Variants in OTUD7A observed in about 807,000 individuals in gnomAD.
The protein encoded by OTUD7A is OTU domain-containing protein 7A.
OTUD7A carries 12 observed loss-of-function variants against 65.7 expected under a neutral mutation model. The ratio of observed to expected loss-of-function variants is 0.18; its 90% CI spans 0.12 to 0.30. OTUD7A has a LOEUF of 0.30. OTUD7A is among the 10% of genes least tolerant of loss of function. The pLI, the probability that OTUD7A is intolerant of heterozygous loss-of-function variation, is 1.00. For synonymous variants in OTUD7A, 641 were observed against 586.3 expected, an observed-to-expected ratio of 1.09 and a Z score of -1.35; for missense variants, 1,148 against 1,304.8, an observed-to-expected ratio of 0.88 and a Z score of 1.85.
At chr15:31,597,821 G>T (rs1435931028) in intron 3 of OTUD7A, among the ~76,000 whole-genome samples, 1 of 152,104 alleles carries the variant, frequency 6.6e-6, no homozygotes, top group Non-Finnish European at 1.5e-5. Flanking sequence ...CTGAAAAGTA[G>T]AAGCAGTGGG....
At chr15:31,696,148 G>C (rs148924488) in intron 1 of OTUD7A, among the ~76,000 whole-genome samples, 3 of 147,286 alleles carry the variant, frequency 2.0e-5, no homozygotes, top group African/African-American at 7.3e-5. Context: ...AGGGTTGAGG[G>C]GGGCACAAGG....
chr15:31,567,393 GCTT>G (rs1444650569), intron 4 of OTUD7A, among the ~76,000 whole-genome samples: 1 of 152,204 alleles, frequency 6.6e-6, no homozygotes, highest in Non-Finnish European at 1.5e-5. Flanking sequence ...TGGCATGGCT[GCTT>G]CTAACAGTCT....
intron 1 of OTUD7A, among the ~76,000 whole-genome samples, chr15:31,814,350 C>G (rs946129019): frequency 5.9e-5 from 9 of 152,312 alleles, no homozygotes; most frequent in African/African-American, 2.2e-4. Flanking sequence ...GCCTAGGAGT[C>G]AGCCCAGCCG....
intron 1 of OTUD7A, among the ~76,000 whole-genome samples, chr15:31,804,912 A>C (rs1161320833): frequency 2.6e-5 from 4 of 152,244 alleles, no homozygotes; most frequent in Non-Finnish European, 5.9e-5. Flanking sequence ...CATGTGCAGA[A>C]GCAATTGCTA....
chr15:31,824,248 A>G (rs1044366288), intron 1 of OTUD7A, among the ~76,000 whole-genome samples: 3 of 151,818 alleles, frequency 2.0e-5, no homozygotes, highest in Non-Finnish European at 4.4e-5. Context: ...TTATCCAAGC[A>G]CTCCTCAGAG....
rs965753064 is a variant in OTUD7A, at chr15:31,476,828, T to C, written c.*6466A>G. The stretch of plus-strand genomic sequence containing the variant: ...CTTGTAACAGTATTTTGCCAACAAC[T>C]CTTAGAAGAAAACGCATTTGGCCAA... On this transcript the variant is annotated 3_prime_UTR_variant, in exon 13 of 13. Transcript: ENST00000307050. 6.6e-6 allele frequency: 1 copy of C among 152,210 alleles called. No individual in the cohort carries two copies. Among genetic ancestry groups the C allele is most frequent in the Non-Finnish European group, 1.5e-5 (1 of 68,036 alleles). The allele number at this position is 152,210 out of a possible 1,614,324, so 9.4% of individuals were successfully genotyped here.
chr15:31,714,627 A>G (rs1893535989), intron 1 of OTUD7A, among the ~76,000 whole-genome samples: 1 of 152,280 alleles, frequency 6.6e-6, no homozygotes, highest in Non-Finnish European at 1.5e-5. Flanking sequence ...GCCATAAAAC[A>G]GCCCTTATGC....
chr15:31,829,277 C>A (rs923931054), intron 1 of OTUD7A, among the ~76,000 whole-genome samples: 8 of 152,216 alleles, frequency 5.3e-5, no homozygotes, highest in African/African-American at 1.7e-4. Context: ...CCAACAAATT[C>A]TCTGACTCAA....
intron 5 of OTUD7A, among the ~76,000 whole-genome samples, chr15:31,544,499 A>G (rs1254677982): frequency 4.6e-5 from 7 of 151,846 alleles, no homozygotes; most frequent in Admixed American, 4.6e-4. Context: ...GTTAAATATG[A>G]AAGTAAAATA....
rs2041215203 is a variant in OTUD7A at position 31,484,928 on chromosome 15, G to T, written c.1372-204C>A. 6.6e-6 allele frequency among the ~76,000 whole-genome samples: 1 copy of T among 152,198 alleles called. No homozygotes were observed. The highest frequency in any genetic ancestry group is 1.5e-5 in the Non-Finnish European group (1 of 68,046). ...ATAGGAGTGGGCTCTGATCTGCTGC[G>T]GTAGTAAAAGGATGTAGGGACCTCT... On this transcript the variant is annotated intron_variant, in intron 12 of 12. Coordinates refer to ENST00000307050, the MANE Select transcript of OTUD7A (RefSeq NM_001382637.1). The surrounding 1 kb of genome is among the most constrained non-coding windows in gnomAD (Gnocchi z 4.5).
At chr15:31,736,642 T>C (rs75993041) in intron 1 of OTUD7A, among the ~76,000 whole-genome samples, 2,119 of 152,274 alleles carry the variant, frequency 0.014, 25 homozygotes, top group Non-Finnish European at 0.023. Context: ...GGAAGAGTAG[T>C]TTATTTAACA....
At chr15:31,828,909 G>T (rs1896863606) in intron 1 of OTUD7A, among the ~76,000 whole-genome samples, 1 of 152,130 alleles carries the variant, frequency 6.6e-6, no homozygotes, top group Non-Finnish European at 1.5e-5. Flanking sequence ...AGGAGGGCAT[G>T]GTCCCTTCTT....
chr15:31,638,378 C>CTTTT (rs34239466), intron 3 of OTUD7A, among the ~76,000 whole-genome samples: 4 of 134,574 alleles, frequency 3.0e-5, no homozygotes, highest in African/African-American at 2.8e-5. Context: ...ATAAAGATAA[C>CTTTT]TTTTTTTTTT....
At chr15:31,692,712 T>C (rs71399721) in intron 1 of OTUD7A, among the ~76,000 whole-genome samples, 1 of 150,382 alleles carries the variant, frequency 6.6e-6, no homozygotes, top group African/African-American at 2.4e-5. Context: ...ATTTTCAAAA[T>C]TCCTGTTTTC....
intron 5 of OTUD7A, among the ~76,000 whole-genome samples, chr15:31,552,685 G>C (rs777229984): frequency 1.7e-4 from 26 of 152,362 alleles, no homozygotes; most frequent in Admixed American, 2.6e-4. Flanking sequence ...CCTGGCCTCT[G>C]TCTCTCCCAC....
intron 10 of OTUD7A, among the ~76,000 whole-genome samples, chr15:31,494,612 G>A (rs936625462): frequency 3.9e-5 from 6 of 152,224 alleles, no homozygotes; most frequent in Admixed American, 3.9e-4. Context: ...CAATTTCTGG[G>A]CTCCTGAACT....
At chr15:31,599,884 G>T (rs1432682104) in intron 3 of OTUD7A, among the ~76,000 whole-genome samples, 1 of 152,010 alleles carries the variant, frequency 6.6e-6, no homozygotes, top group Admixed American at 6.6e-5. Flanking sequence ...GCGGAAGAAA[G>T]GATATCAGAG....
chr15:31,607,576 C>T (rs993813220), intron 3 of OTUD7A, among the ~76,000 whole-genome samples: 3 of 152,072 alleles, frequency 2.0e-5, no homozygotes, highest in African/African-American at 7.2e-5. Flanking sequence ...TTAAAATTAC[C>T]AGTGGTCCCT....
intron 1 of OTUD7A, among the ~76,000 whole-genome samples, chr15:31,855,869 TTGAA>T: frequency 6.6e-6 from 1 of 152,318 alleles, no homozygotes; most frequent in Non-Finnish European, 1.5e-5. Context: ...TTTACAGGGA[TTGAA>T]TGGAGGCTAT....
Sources: allele counts gnomAD v4.1 joint callset (sites outside exome capture counted in the v4.1 genomes callset), GRCh38; gene constraint gnomAD v4.1.1; non-coding constraint Gnocchi (gnomAD v3.1); transcripts MANE v1.5; gene names NCBI Gene and HGNC (gene_info 2026-07-23, HGNC 2026-07-21).